DCDC2C: variants seen among roughly 807,000 people sequenced by gnomAD.
DCDC2C encodes doublecortin domain containing 2C, also known as doublecortin domain-containing protein 2C.
Under a neutral mutation model 45.0 loss-of-function variants are expected in DCDC2C, and 44 were observed. That is an observed-to-expected ratio of 0.98 (90% confidence interval 0.77 to 1.26). DCDC2C has a LOEUF of 1.26. Among genes scored for constraint, DCDC2C ranks in the 50% most tolerant of loss-of-function variants. The probability of loss-of-function intolerance (pLI) is 0.00; values close to 1 mark genes in which losing one functional copy is unlikely to be tolerated. For synonymous variants in DCDC2C, 187 were observed against 178.8 expected, an observed-to-expected ratio of 1.05 and a Z score of -0.37; for missense variants, 447 against 468.9, an observed-to-expected ratio of 0.95 and a Z score of 0.43.
At chr2:3,736,731 CG>C (rs1189763283) in intron 3 of DCDC2C, among the ~76,000 whole-genome samples, 1 of 152,076 alleles carries the variant, frequency 6.6e-6, no homozygotes, top group African/African-American at 2.4e-5. Flanking sequence ...TCCAAATGGA[CG>C]GGGTTGTTAC....
intron 9 of DCDC2C, among the ~76,000 whole-genome samples, chr2:3,784,751 G>A (rs1296761629): frequency 6.6e-6 from 1 of 151,780 alleles, no homozygotes; most frequent in East Asian, 1.9e-4. Flanking sequence ...TATATTAAGT[G>A]AAAAAAAATC....
At chr2:3,725,582 A>G (rs1668636053) in intron 2 of DCDC2C, among the ~76,000 whole-genome samples, 1 of 148,154 alleles carries the variant, frequency 6.7e-6, no homozygotes, top group African/African-American at 2.6e-5. Context: ...AGACGAGCAG[A>G]GAGGGAGGAG....
intron 10 of DCDC2C, among the ~76,000 whole-genome samples, chr2:3,810,893 C>T (rs186298545): frequency 1.6e-3 from 247 of 152,140 alleles, no homozygotes; most frequent in Non-Finnish European, 3.0e-3. Context: ...TGGTTGTAGA[C>T]ATGTGGTGTT....
chr2:3,815,424 T>C (rs1399341414), intron 10 of DCDC2C, among the ~76,000 whole-genome samples: 1 of 152,236 alleles, frequency 6.6e-6, no homozygotes, highest in African/African-American at 2.4e-5. Context: ...ATTCACATGC[T>C]TATTATGGTT....
At chr2:3,809,104 A>T (rs1009864166) in intron 10 of DCDC2C, among the ~76,000 whole-genome samples, 5 of 152,170 alleles carry the variant, frequency 3.3e-5, no homozygotes, top group Non-Finnish European at 7.4e-5. Context: ...CCATTGATCT[A>T]TGTGTTTTTC....
Position 3,752,785 on chromosome 2 carries a change from C to T in DCDC2C, c.568C>T (p.Leu190Phe). Residue 190 changes from leucine to phenylalanine, a missense_variant, in exon 5 of 11, where the codon CTT becomes TTT. Leu to Phe is a conservative substitution (Grantham distance 22). Transcript: ENST00000399143. ...VRKLFTMNGH[L>F]LGDSKDLQDN... ...CAGATTATTTACAATGAATGGGCAT[C>T]TTTTGGGCGACTCAAAGGATTTGCA... 3.2e-6 allele frequency: 5 copies of T among 1,550,460 alleles called. No individual in the cohort carries two copies. The highest frequency in any genetic ancestry group is 4.4e-6 in the Non-Finnish European group (5 of 1,146,882).
At chr2:3,811,394 T>C (rs1671388423) in intron 10 of DCDC2C, among the ~76,000 whole-genome samples, 1 of 152,172 alleles carries the variant, frequency 6.6e-6, no homozygotes, top group Non-Finnish European at 1.5e-5. Flanking sequence ...GTATTGTTGG[T>C]GTAAAGAATC....
intron 2 of DCDC2C, among the ~76,000 whole-genome samples, chr2:3,713,505 G>A (rs867464710): frequency 1.3e-5 from 2 of 152,158 alleles, no homozygotes; most frequent in Admixed American, 6.5e-5. Flanking sequence ...CCAGGGTCAG[G>A]GGAGCTGCAT....
intron 1 of DCDC2C, among the ~76,000 whole-genome samples, chr2:3,706,399 T>C (rs1467726150): frequency 6.6e-6 from 1 of 152,246 alleles, no homozygotes; most frequent in African/African-American, 2.4e-5. Flanking sequence ...ATAATTTTTT[T>C]CTTTATAAAA....
intron 4 of DCDC2C, among the ~76,000 whole-genome samples, chr2:3,748,649 A>T (rs1453427172): frequency 6.6e-6 from 1 of 151,924 alleles, no homozygotes; most frequent in East Asian, 1.9e-4. Context: ...ACACAATCTG[A>T]GTGTTGTGGA....
chr2:3,713,949 A>C lies in DCDC2C; in HGVS notation c.339+5349A>C, dbSNP rs1020281236. On this transcript the variant is annotated intron_variant, in intron 2 of 10. Transcript: ENST00000399143. ...TTGCCTACAATTTGAATACCAGTGT[A>C]AACTGTTTTACAAATTAAATGTGGC... Among the ~76,000 whole-genome samples the C allele has an allele frequency of 2.6e-5, 4 of 152,366 alleles. No individual in the cohort carries two copies. The South Asian group carries it at 6.2e-4, about 24-fold the overall frequency.
chr2:3,721,460 G>T (rs1362662816), intron 2 of DCDC2C, among the ~76,000 whole-genome samples: 3 of 152,158 alleles, frequency 2.0e-5, no homozygotes, highest in African/African-American at 7.2e-5. Flanking sequence ...GCTTTTAGTT[G>T]GATATTTTGT....
At chr2:3,705,240 T>C (rs1257378022) in intron 1 of DCDC2C, among the ~76,000 whole-genome samples, 1 of 152,240 alleles carries the variant, frequency 6.6e-6, no homozygotes, top group African/African-American at 2.4e-5. Flanking sequence ...TTCAGTTGTT[T>C]CTGAAGAAAA....
chr2:3,840,609 C>T (rs1447022048), intron 10 of DCDC2C, among the ~76,000 whole-genome samples: 1 of 152,154 alleles, frequency 6.6e-6, no homozygotes, highest in Non-Finnish European at 1.5e-5. Flanking sequence ...TTCTTTTATC[C>T]ATACATCTTA....
chr2:3,842,760 G>A (rs4849930), intron 10 of DCDC2C, among the ~76,000 whole-genome samples: 42,741 of 152,002 alleles, frequency 0.28, 6,180 homozygotes, highest in South Asian at 0.42. Context: ...TCCACACGGT[G>A]ACTCAGGGAT....
At chr2:3,746,078 G>A (rs943632918) in intron 4 of DCDC2C, among the ~76,000 whole-genome samples, 9 of 152,150 alleles carry the variant, frequency 5.9e-5, no homozygotes, top group East Asian at 1.9e-4. Context: ...AAAGGCGCTC[G>A]TAGAGGCTGT....
At chr2:3,751,962 C>T (rs1256897535) in intron 4 of DCDC2C, among the ~76,000 whole-genome samples, 1 of 152,212 alleles carries the variant, frequency 6.6e-6, no homozygotes, top group Non-Finnish European at 1.5e-5. Flanking sequence ...GCTGTGCCTG[C>T]ACCTCACCCT....
At chr2:3,837,622 A>ATACAGAATCAAGAG (rs1558249632) in intron 10 of DCDC2C, among the ~76,000 whole-genome samples, 1 of 124,482 alleles carries the variant, frequency 8.0e-6, no homozygotes. Context: ...GAAACTGAGG[A>ATACAGAATCAAGAG]AGAAATCAGC....
chr2:3,759,198 A>G (rs1405166124), intron 6 of DCDC2C, among the ~76,000 whole-genome samples: 1 of 152,184 alleles, frequency 6.6e-6, no homozygotes, highest in Admixed American at 6.5e-5. Flanking sequence ...CTCGGAGTCA[A>G]AAAGTGTCTC....
Sources: allele counts gnomAD v4.1 joint callset (sites outside exome capture counted in the v4.1 genomes callset), GRCh38; gene constraint gnomAD v4.1.1; transcripts MANE v1.5; gene names NCBI Gene and HGNC (gene_info 2026-07-23, HGNC 2026-07-21).